Variants in WDR12 observed in about 807,000 individuals in gnomAD.
WDR12 encodes ribosome biogenesis protein WDR12.
In WDR12, 42 loss-of-function variants were observed where a neutral mutation model predicts 64.3. That is an observed-to-expected ratio of 0.65 (90% CI 0.51 to 0.84). The LOEUF (loss-of-function observed/expected upper bound fraction) is 0.84, where lower values mean the gene tolerates loss of function less well. Ranked by LOEUF, WDR12 falls within the 40% of genes least tolerant of loss-of-function variation. The probability of loss-of-function intolerance (pLI) is 0.00; values close to 1 mark genes in which losing one functional copy is unlikely to be tolerated. For missense variants in WDR12, 469 were observed against 494.6 expected (o/e 0.95, Z 0.49); for synonymous variants, 158 against 173.3 (o/e 0.91, Z 0.70).
intron 2 of WDR12, among the ~76,000 whole-genome samples, chr2:202,904,095 G>A (rs572482574): frequency 1.6e-5 from 2 of 122,108 alleles, no homozygotes; most frequent in South Asian, 2.6e-4. Flanking sequence ...GTGAGATTAC[G>A]CAATTGCACT....
intron 7 of WDR12, among the ~76,000 whole-genome samples, chr2:202,892,995 C>G (rs1213403353): frequency 6.6e-6 from 1 of 151,972 alleles, no homozygotes; most frequent in Admixed American, 6.6e-5. Context: ...TTTATCATAG[C>G]TATGAAAAAT....
chr2:202,903,936 G>A (rs964265324), intron 2 of WDR12, among the ~76,000 whole-genome samples: 5 of 151,904 alleles, frequency 3.3e-5, no homozygotes, highest in Non-Finnish European at 5.9e-5. Context: ...TCAGGAGCTC[G>A]TGACCAGCCT....
intron 1 of WDR12, 46 bp from the exon 2 acceptor site, chr2:202,908,005 GAACA>G: frequency 6.5e-7 from 1 of 1,527,522 alleles, no homozygotes; most frequent in Non-Finnish European, 9.1e-7. Flanking sequence ...ACAGATATTT[GAACA>G]AACATGCTTT....
At position 202,879,577 on chromosome 2, in the gene WDR12, C is replaced by T. The variant is rs1163194375; in HGVS notation, c.*1283G>A. 6.6e-6 allele frequency: 1 copy of T among 151,634 alleles called. No homozygotes were observed. Among genetic ancestry groups the T allele is most frequent in the Non-Finnish European group, 1.5e-5 (1 of 67,948 alleles). 9.4% of individuals were successfully genotyped at this position (151,634 alleles called of 1,614,324 possible). Reference sequence around the variant, plus strand: ...TTGGGACCACAGGAGTGTGCCACCACACCCGGCTAATTTGTTTTGGATTTT... The same window carrying T: ...TTGGGACCACAGGAGTGTGCCACCATACCCGGCTAATTTGTTTTGGATTTT... On this transcript the variant is annotated 3_prime_UTR_variant, in exon 13 of 13. Transcript: ENST00000261015.
In WDR12 at chr2:202,894,571, T is replaced by C; in HGVS notation, c.655+10A>G. On this transcript the variant is annotated intron_variant, in intron 7 of 12. Transcript: ENST00000261015. ...TTATTAAGTCAAGGTAAAATAAATATTTAATTTACCTGTAGACCAGATCTT... is the reference window on the plus strand; with the variant it reads ...TTATTAAGTCAAGGTAAAATAAATACTTAATTTACCTGTAGACCAGATCTT... 2 of 1,596,154 alleles carry C rather than the reference T, an allele frequency of 1.3e-6. No individual in the cohort carries two copies. Among genetic ancestry groups the C allele is most frequent in the African/African-American group, 1.4e-5 (1 of 73,902 alleles).
rs1688210369 is a variant in WDR12 at position 202,894,778 on chromosome 2, G to A, written c.610-152C>T. The stretch of plus-strand genomic sequence containing the variant: ...CCTTTTTCCAGGGGCAGATAGGACA[G>A]AACATAAAATCTGGGAAATCTTGAA... On this transcript the variant is annotated intron_variant, in intron 6 of 12. Transcript: ENST00000261015. The A allele has an allele frequency of 5.5e-6, 3 of 549,236 alleles. No individual in the cohort carries two copies. In the East Asian group the frequency reaches 1.0e-4, roughly 19 times the overall value. 34.0% of individuals were successfully genotyped at this position (549,236 alleles called of 1,614,324 possible). A position where few individuals can be genotyped will look rare whatever the true frequency, so the allele number is the denominator to read the frequency against.
intron 8 of WDR12, among the ~76,000 whole-genome samples, chr2:202,885,377 TG>T (rs1688027533): frequency 6.6e-6 from 1 of 151,838 alleles, no homozygotes; most frequent in South Asian, 2.1e-4. Flanking sequence ...ATGCGGTGGG[TG>T]AAAGTATTCA....
At chr2:202,905,466 A>G (rs1443381621) in intron 2 of WDR12, among the ~76,000 whole-genome samples, 1 of 152,246 alleles carries the variant, frequency 6.6e-6, no homozygotes, top group Non-Finnish European at 1.5e-5. Flanking sequence ...TCTGAAAGTC[A>G]CGCCATAAAA....
chr2:202,882,715 G>A lies in WDR12; in HGVS notation c.1190C>T (p.Thr397Ile), dbSNP rs1687976962. The change falls in exon 12 of 13, where the codon ACA becomes ATA. Residue 397 changes from threonine (T) to isoleucine (I), a missense_variant. Coordinates refer to ENST00000261015, the MANE Select transcript of WDR12 (RefSeq NM_018256.4). ...DKVLSVDWTD[T>I]GLLLSGGADN... ...AAATAACTAATAAATTCTTACCCCT[G>A]TGTCTGTCCAGTCTACACTCAGAAC... The A allele has an allele frequency of 6.2e-7, 1 of 1,613,310 alleles. No individual in the cohort carries two copies. Among genetic ancestry groups the A allele is most frequent in the Non-Finnish European group, 8.5e-7 (1 of 1,179,472 alleles).
At chr2:202,881,332 C>T (rs1261700120) in intron 12 of WDR12, among the ~76,000 whole-genome samples, 1 of 152,126 alleles carries the variant, frequency 6.6e-6, no homozygotes, top group Non-Finnish European at 1.5e-5. Flanking sequence ...AATTCTTAGG[C>T]AGTAAGAGCT....
At chr2:202,886,723 C>T (rs920478788) in intron 8 of WDR12, among the ~76,000 whole-genome samples, 5 of 142,642 alleles carry the variant, frequency 3.5e-5, no homozygotes, top group African/African-American at 1.0e-4. Flanking sequence ...GCCGAGATTG[C>T]GCCACTGCAC....
At chr2:202,887,252 G>A (rs1480775722) in intron 8 of WDR12, among the ~76,000 whole-genome samples, 5 of 152,014 alleles carry the variant, frequency 3.3e-5, no homozygotes, top group Non-Finnish European at 7.4e-5. Context: ...CTTCACTCCT[G>A]ACTGCAGGTG....
chr2:202,895,108 T>G (rs369021978), intron 6 of WDR12, among the ~76,000 whole-genome samples: 2 of 152,292 alleles, frequency 1.3e-5, no homozygotes, highest in African/African-American at 4.8e-5. Flanking sequence ...ATATAAAACT[T>G]TTCGGCTCAA....
In WDR12 at chr2:202,911,132, C is replaced by T. The variant is rs1366978330; in HGVS notation, c.41+304G>A. Among the ~76,000 whole-genome samples, 10 of 152,192 alleles carry T rather than the reference C, an allele frequency of 6.6e-5. No homozygotes were observed. In the East Asian group the frequency reaches 1.9e-3, roughly 29 times the overall value. On this transcript the variant is annotated intron_variant, in intron 1 of 12. Coordinates refer to ENST00000261015, the MANE Select transcript of WDR12 (RefSeq NM_018256.4). The stretch of plus-strand genomic sequence containing the variant: ...AAATATGTTTTTTCATTTTCAAAAA[C>T]TTTTTTTCCGTTTTCAAAAACTGTG...
At chr2:202,911,376 C>A in intron 1 of WDR12, 60 bp downstream of exon 1, 1 of 1,552,290 alleles carries the variant, frequency 6.4e-7, no homozygotes. Context: ...CAAGGTCATA[C>A]CAAAGGGGTG....
In WDR12 at chr2:202,911,579, G is replaced by T; in HGVS notation, c.-103C>A. ...ACTACAAAGAGGCAGCTCAAAATTA[G>T]ACTGCACAGGTAAGCGAGGAACTGC... On this transcript the variant is annotated 5_prime_UTR_variant, in exon 1 of 13. Coordinates refer to ENST00000261015, the MANE Select transcript of WDR12 (RefSeq NM_018256.4). 9.4e-7 allele frequency: 1 copy of T among 1,058,984 alleles called. No homozygotes were observed. Among genetic ancestry groups the T allele is most frequent in the South Asian group, 1.3e-5 (1 of 78,472 alleles). 65.6% of individuals were successfully genotyped at this position (1,058,984 alleles called of 1,614,324 possible).
At chr2:202,886,314 T>A (rs1413290910) in intron 8 of WDR12, among the ~76,000 whole-genome samples, 7 of 149,464 alleles carry the variant, frequency 4.7e-5, no homozygotes, top group Admixed American at 4.7e-4. Context: ...AGAAATGAAC[T>A]GGCTGTGGTA....
In WDR12 at chr2:202,878,525, G is replaced by A. The variant is rs1370560427; in HGVS notation, c.*2335C>T. 1 of 152,184 alleles carries A rather than the reference G, an allele frequency of 6.6e-6. No individual in the cohort carries two copies. The highest frequency in any genetic ancestry group is 6.5e-5 in the Admixed American group (1 of 15,284). 9.4% of individuals were successfully genotyped at this position (152,184 alleles called of 1,614,324 possible). A position where few individuals can be genotyped will look rare whatever the true frequency, so the allele number is the denominator to read the frequency against. ...AATATACTTTAAGAAATGGTAACTG[G>A]AGCTCTAGCTCTTGGTCTATATGAA... is the stretch of plus-strand genomic sequence containing the variant. On this transcript the variant is annotated 3_prime_UTR_variant, in exon 13 of 13. Coordinates refer to ENST00000261015, the MANE Select transcript of WDR12 (RefSeq NM_018256.4).
chr2:202,880,426 T>C lies in WDR12; in HGVS notation c.*434A>G, dbSNP rs1687928358. On this transcript the variant is annotated 3_prime_UTR_variant, in exon 13 of 13. Coordinates refer to ENST00000261015, the MANE Select transcript of WDR12 (RefSeq NM_018256.4). ...AGCAGGACATCGTGATGTGTGCCTG[T>C]AATCCCAGCTACTTGGGAGGTTGAG... is the stretch of plus-strand genomic sequence containing the variant. The C allele has an allele frequency of 6.5e-6, 1 of 152,882 alleles. No homozygotes were observed. The highest frequency in any genetic ancestry group is 1.5e-5 in the Non-Finnish European group (1 of 68,848). The allele number at this position is 152,882 out of a possible 1,614,324, so 9.5% of individuals were successfully genotyped here.
Sources: gnomAD v4.1 joint callset for allele counts (sites outside exome capture counted in the v4.1 genomes callset) on GRCh38, gnomAD v4.1.1 for gene constraint, MANE v1.5 for transcripts, NCBI Gene and HGNC (gene_info 2026-07-23, HGNC 2026-07-21) for gene names.